DNAAF5: variants seen among roughly 807,000 people sequenced by gnomAD.
The protein encoded by DNAAF5 is HEAT repeat containing 2.
Under a neutral mutation model 75.8 loss-of-function variants are expected in DNAAF5, and 64 were observed. The observed-to-expected ratio is 0.84, with a 90% CI of 0.69 to 1.04. DNAAF5 has a LOEUF of 1.04. DNAAF5 is among the 50% of genes least tolerant of loss of function. The pLI is 0.00. For synonymous variants in DNAAF5, 657 were observed against 557.2 expected (o/e 1.18, Z -2.52); for missense variants, 1,269 against 1,178.5 (o/e 1.08, Z -1.12).
In DNAAF5 at chr7:775,016, T is replaced by G. The variant is rs746401444; in HGVS notation, c.2093T>G (p.Val698Gly). Residue 698 changes from valine (V) to glycine (G), a missense_variant, in exon 11 of 13, where the codon GTG becomes GGG. Coordinates refer to ENST00000297440, the MANE Select transcript of DNAAF5 (RefSeq NM_017802.4). ...GTTTGCTGATTGCAGATACGGGACG[T>G]GCAGGAAACACTGATGCCCCAGGTC... ...EVLSAEQIRD[V>G]QETLMPQVLT... The G allele has an allele frequency of 6.2e-7, 1 of 1,613,754 alleles. No individual in the cohort carries two copies. Among genetic ancestry groups the G allele is most frequent in the East Asian group, 2.2e-5 (1 of 44,880 alleles).
chr7:739,762 C>T (rs767967348), intron 2 of DNAAF5, among the ~76,000 whole-genome samples: 67 of 152,158 alleles, frequency 4.4e-4, no homozygotes, highest in Non-Finnish European at 6.9e-4. Flanking sequence ...GGCCAGGGCC[C>T]GGGTCCCAGG....
chr7:759,420 G>A (rs1392431109), intron 6 of DNAAF5, among the ~76,000 whole-genome samples: 1 of 152,156 alleles, frequency 6.6e-6, no homozygotes, highest in Admixed American at 6.5e-5. Flanking sequence ...TCTAGAGTGA[G>A]GAAATGGGTA....
intron 4 of DNAAF5, among the ~76,000 whole-genome samples, chr7:751,168 G>A (rs1159226041): frequency 6.6e-6 from 1 of 151,704 alleles, no homozygotes; most frequent in Non-Finnish European, 1.5e-5. Context: ...AACGAAGAGA[G>A]GTGTGTTTGC....
chr7:785,442 AG>A (rs1562406684), intron 12 of DNAAF5, 74 bp from the exon 13 acceptor site: 1 of 1,552,982 alleles, frequency 6.4e-7, no homozygotes, highest in African/African-American at 1.4e-5. Context: ...TTCACTACAA[AG>A]CCAATTTGCA....
rs973251425 is a variant in DNAAF5, at chr7:757,136, C to T, written c.1470+142C>T. 141 of 751,208 alleles carry T rather than the reference C, an allele frequency of 1.9e-4. 1 individual carries two copies. The Middle Eastern group carries it at 3.1e-3, about 17-fold the overall frequency. The allele number at this position is 751,208 out of a possible 1,614,324, so 46.5% of individuals were successfully genotyped here. ...GCACCCAGCGACGTGTCTGTGGGTC[C>T]GCCCCGTGCCGCCAGGCCGGGCCAT... On this transcript the variant is annotated intron_variant, in intron 6 of 12. Transcript: ENST00000297440.
intron 11 of DNAAF5, among the ~76,000 whole-genome samples, chr7:777,822 CAGAG>C (rs1226303907): frequency 1.3e-5 from 2 of 152,096 alleles, no homozygotes; most frequent in Admixed American, 6.5e-5. Context: ...GATCACGAGA[CAGAG>C]AGGGGTGCAA....
rs148243845 is a variant in DNAAF5, at chr7:755,101, G to A, written c.1257+280G>A. The stretch of plus-strand genomic sequence containing the variant: ...TTGTGTAGACGTGTTGTGTAGACGT[G>A]CCGTGCACCAGACAGACAGGGCCCG... On this transcript the variant is annotated intron_variant, in intron 5 of 12. Coordinates refer to ENST00000297440, the MANE Select transcript of DNAAF5 (RefSeq NM_017802.4). Among the ~76,000 whole-genome samples, 485 of 152,176 alleles carry A rather than the reference G, an allele frequency of 3.2e-3. 4 individuals are homozygous for A. Among genetic ancestry groups the A allele is most frequent in the African/African-American group, 0.011 (449 of 41,498 alleles).
rs1782521408 is a variant in DNAAF5, at chr7:757,409, A to C, written c.1470+415A>C. ...GTAGATGTGGGGTCCACGTCATCCC[A>C]CCCCTGAGGAGCGTGGTCGCACGTC... On this transcript the variant is annotated intron_variant, in intron 6 of 12. Coordinates refer to ENST00000297440, the MANE Select transcript of DNAAF5 (RefSeq NM_017802.4). Among the ~76,000 whole-genome samples the C allele has an allele frequency of 4.6e-5, 7 of 152,064 alleles. No individual in the cohort carries two copies. In the South Asian group the frequency reaches 1.4e-3, roughly 31 times the overall value.
Position 745,437 on chromosome 7 carries a change from C to T in DNAAF5, c.1024+3972C>T, listed in dbSNP as rs199588123. 6.5e-3 allele frequency among the ~76,000 whole-genome samples: 990 copies of T among 151,920 alleles called. 11 individuals carry two copies. Among genetic ancestry groups the T allele is most frequent in the African/African-American group, 0.022 (931 of 41,418 alleles). ...CGAGGCGCACACGCATACACACACA[C>T]ACACATATTCACATGCATGCACATG... On this transcript the variant is annotated intron_variant, in intron 4 of 12. Transcript: ENST00000297440.
chr7:758,082 C>T lies in DNAAF5; in HGVS notation c.1470+1088C>T, dbSNP rs76775087. ...AAGGGAGCGGGGGAGGGGCCCGGGC[C>T]GCGTGCTCATGGCATTTCAGCCATG... is the stretch of plus-strand genomic sequence containing the variant. On this transcript the variant is annotated intron_variant, in intron 6 of 12. Coordinates refer to ENST00000297440, the MANE Select transcript of DNAAF5 (RefSeq NM_017802.4). 4.6e-3 allele frequency among the ~76,000 whole-genome samples: 696 copies of T among 152,334 alleles called. 3 individuals carry two copies. The highest frequency in any genetic ancestry group is 0.016 in the African/African-American group (653 of 41,580).
intron 1 of DNAAF5, among the ~76,000 whole-genome samples, chr7:728,007 A>G (rs1405181438): frequency 6.6e-6 from 1 of 151,426 alleles, no homozygotes; most frequent in Non-Finnish European, 1.5e-5. Flanking sequence ...TGCTCTGGTC[A>G]TTTCACTTTC....
chr7:784,916 C>T (rs999884760), intron 12 of DNAAF5, among the ~76,000 whole-genome samples: 1 of 152,226 alleles, frequency 6.6e-6, no homozygotes, highest in South Asian at 2.1e-4. Context: ...GACTGCCGTG[C>T]ACCCACCCAG....
intron 1 of DNAAF5, among the ~76,000 whole-genome samples, chr7:727,816 C>G (rs1781409483): frequency 6.8e-6 from 1 of 147,998 alleles, no homozygotes; most frequent in South Asian, 2.2e-4. Context: ...TCCTCCCTGC[C>G]TGAGCCCCCT....
chr7:726,888 G>C lies in DNAAF5; in HGVS notation c.168G>C (p.Ala56=). 1 of 1,332,800 alleles carries C rather than the reference G, an allele frequency of 7.5e-7. No individual in the cohort carries two copies. The highest frequency in any genetic ancestry group is 9.6e-7 in the Non-Finnish European group (1 of 1,043,488). 82.6% of individuals were successfully genotyped at this position (1,332,800 alleles called of 1,614,324 possible). A position where few individuals can be genotyped will look rare whatever the true frequency, so the allele number is the denominator to read the frequency against. The change falls in exon 1 of 13, where the codon GCG becomes GCC. Residue 56 remains alanine (A), a synonymous_variant. Coordinates refer to ENST00000297440, the MANE Select transcript of DNAAF5 (RefSeq NM_017802.4). The stretch of plus-strand genomic sequence containing the variant: ...GCGCCTTGGAGGCCCTGCGGCGCGC[G>C]CTGGAGGAGCCAGGCCCTGCCGCCG... The part of the protein sequence containing the change: ...RRRALEALRR[A]LEEPGPAADP...
In DNAAF5 at chr7:754,816, C is replaced by T; in HGVS notation, c.1252C>T (p.Gln418Ter). Reference protein sequence around the residue: ...ACTDEEAAVVQSCTRSAELVG... With the variant: ...ACTDEEAAVV ...CACCGACGAGGAGGCAGCCGTGGTCCAAAGTGTAAGTGGCCGTATTCCAGT... is the reference window on the plus strand; with the variant it reads ...CACCGACGAGGAGGCAGCCGTGGTCTAAAGTGTAAGTGGCCGTATTCCAGT... Residue 418 changes from glutamine (Q) to a stop codon, truncating the protein, a stop_gained, in exon 5 of 13, where the codon CAA becomes TAA. Transcript: ENST00000297440. LOFTEE classifies it high-confidence loss of function. This position sits in a 1 kb window ranked among gnomAD's most constrained non-coding sequence, Gnocchi z 4.8. 2 of 1,602,172 alleles carry T rather than the reference C, an allele frequency of 1.2e-6. No homozygotes were observed. Among genetic ancestry groups the T allele is most frequent in the Non-Finnish European group, 1.7e-6 (2 of 1,172,006 alleles).
chr7:753,084 G>A (rs976293989), intron 4 of DNAAF5, among the ~76,000 whole-genome samples: 2 of 152,210 alleles, frequency 1.3e-5, no homozygotes, highest in Non-Finnish European at 2.9e-5. Flanking sequence ...GAAGGAGCGC[G>A]GACTGGCTCA....
chr7:770,644 G>T, intron 9 of DNAAF5, 26 bp downstream of exon 9: 1 of 1,605,124 alleles, frequency 6.2e-7, no homozygotes, highest in South Asian at 1.1e-5. Flanking sequence ...GCCTCTGCAC[G>T]GCCCCCAGCT....
intron 8 of DNAAF5, among the ~76,000 whole-genome samples, chr7:769,993 C>A (rs930617408): frequency 1.3e-5 from 2 of 152,034 alleles, no homozygotes; most frequent in African/African-American, 4.8e-5. Flanking sequence ...ACTTTGTCAC[C>A]CAGGCTGGAG....
At chr7:739,928 G>C (rs1429757665) in intron 2 of DNAAF5, among the ~76,000 whole-genome samples, 1 of 152,196 alleles carries the variant, frequency 6.6e-6, no homozygotes, top group African/African-American at 2.4e-5. Flanking sequence ...GAGCGCTATT[G>C]CTAATGGTGC....
Sources: allele counts gnomAD v4.1 joint callset (sites outside exome capture counted in the v4.1 genomes callset), GRCh38; gene constraint gnomAD v4.1.1; non-coding constraint Gnocchi (gnomAD v3.1); transcripts MANE v1.5; gene names NCBI Gene and HGNC (gene_info 2026-07-23, HGNC 2026-07-21).